MCM9: variants seen among roughly 807,000 people sequenced by gnomAD.
The protein encoded by MCM9 is DNA helicase MCM9.
In MCM9, 55 loss-of-function variants were observed where a neutral mutation model predicts 72.8. That is an observed-to-expected ratio of 0.76 (90% CI 0.61 to 0.95). The LOEUF is 0.95. MCM9 is among the 40% of genes least tolerant of loss of function. The probability of loss-of-function intolerance (pLI) is 0.00; values close to 1 mark genes in which losing one functional copy is unlikely to be tolerated. For missense variants in MCM9, 1,279 were observed against 1,377.0 expected, an observed-to-expected ratio of 0.93 and a Z score of 1.13; for synonymous variants, 480 against 503.4, an observed-to-expected ratio of 0.95 and a Z score of 0.62.
Position 118,931,533 on chromosome 6 carries a change from T to A in MCM9, c.191A>T (p.Glu64Val), listed in dbSNP as rs751873375. 1.2e-6 allele frequency: 2 copies of A among 1,614,166 alleles called. No homozygotes were observed. The highest frequency in any genetic ancestry group is 2.2e-5 in the South Asian group (2 of 91,066). ...TGCACTATCAAAAATTGTAAGCACT[T>A]CACTGGGGAACATGTTGAAATATTC... Reference protein sequence around the residue: ...IGEYFNMFPSEVLTIFDSALR... With the variant: ...IGEYFNMFPSVVLTIFDSALR... Residue 64 changes from glutamate to valine, a missense_variant, in exon 3 of 14, where the codon GAA (glutamate) becomes GTA (valine). Glu to Val is a moderately radical substitution (Grantham distance 121, BLOSUM62 -2). Coordinates refer to ENST00000619706, the MANE Select transcript of MCM9 (RefSeq NM_017696.3).
At chr6:118,867,461 C>A (rs1777288552) in intron 8 of MCM9, among the ~76,000 whole-genome samples, 1 of 152,188 alleles carries the variant, frequency 6.6e-6, no homozygotes, top group East Asian at 1.9e-4. Flanking sequence ...ACTACTCACT[C>A]ACTGACTAAT....
chr6:118,818,566 C>T (rs1773563437), intron 13 of MCM9, among the ~76,000 whole-genome samples: 1 of 152,176 alleles, frequency 6.6e-6, no homozygotes, highest in African/African-American at 2.4e-5. Context: ...TAGCGTGATG[C>T]CTCCAGCTTT....
intron 6 of MCM9, among the ~76,000 whole-genome samples, chr6:118,915,203 C>T (rs1206412606): frequency 2.0e-5 from 3 of 152,194 alleles, no homozygotes; most frequent in African/African-American, 7.2e-5. Flanking sequence ...TTCCTTAGAT[C>T]ATGGCAGCAG....
chr6:118,834,094 A>G (rs147583355), intron 9 of MCM9, among the ~76,000 whole-genome samples: 2,141 of 151,994 alleles, frequency 0.014, 43 homozygotes, highest in African/African-American at 0.049. Context: ...ACTCCCACTT[A>G]TAAGTGAGAA....
chr6:118,866,290 C>T (rs1777212650), intron 8 of MCM9, among the ~76,000 whole-genome samples: 1 of 151,980 alleles, frequency 6.6e-6, no homozygotes, highest in Non-Finnish European at 1.5e-5. Flanking sequence ...TACACAGAAA[C>T]CAAAATAGAG....
chr6:118,930,911 G>A (rs1368183778), intron 3 of MCM9, among the ~76,000 whole-genome samples: 1 of 152,242 alleles, frequency 6.6e-6, no homozygotes, highest in African/African-American at 2.4e-5. Flanking sequence ...ACCCCAAGCT[G>A]CTGATTGCTC....
At chr6:118,929,010 A>G (rs922145992) in intron 3 of MCM9, among the ~76,000 whole-genome samples, 1 of 152,192 alleles carries the variant, frequency 6.6e-6, no homozygotes, top group Non-Finnish European at 1.5e-5. Flanking sequence ...ACCTGAGGCC[A>G]GGAGTTCAAG....
At chr6:118,870,422 G>T (rs1057440505) in intron 8 of MCM9, among the ~76,000 whole-genome samples, 1 of 150,730 alleles carries the variant, frequency 6.6e-6, no homozygotes, top group Non-Finnish European at 1.5e-5. Flanking sequence ...AAATTAATGG[G>T]TTTTTTTTTT....
rs144134805 is a variant in MCM9, at chr6:118,875,339, C to T, written c.1151-18794G>A. Among the ~76,000 whole-genome samples, 733 of 152,286 alleles carry T rather than the reference C, an allele frequency of 4.8e-3. 9 individuals are homozygous for T. Among genetic ancestry groups the T allele is most frequent in the African/African-American group, 0.017 (709 of 41,566 alleles). On this transcript the variant is annotated intron_variant, in intron 8 of 13. Coordinates refer to ENST00000619706, the MANE Select transcript of MCM9 (RefSeq NM_017696.3). ...TTCTACAGATTCAACCCAAGCTAAT[C>T]AAACTTCCAGCAAAAGCTGGGCGCA...
At chr6:118,875,190 C>T (rs1401626266) in intron 8 of MCM9, among the ~76,000 whole-genome samples, 1 of 152,092 alleles carries the variant, frequency 6.6e-6, no homozygotes. Context: ...GAATGAAATA[C>T]CTACAAGATT....
chr6:118,905,723 T>C (rs766545242), intron 8 of MCM9: 1 of 1,613,780 alleles, frequency 6.2e-7, no homozygotes, highest in East Asian at 2.2e-5. Flanking sequence ...TAATTACTTG[T>C]ACCTATCGAG....
rs749120111 is a variant in MCM9 at position 118,931,703 on chromosome 6, T to A, written c.21A>T (p.Thr7=). ...ATGACTCAAACACTTGACCAACCAG[T>A]GTAACTTGATCGCTATTCATCTTGA... MNSDQV[T]LVGQVFESYV... The change falls in exon 3 of 14, where the codon ACA becomes ACT. Residue 7 remains threonine, a synonymous_variant. Coordinates refer to ENST00000619706, the MANE Select transcript of MCM9 (RefSeq NM_017696.3). 1 of 1,612,360 alleles carries A rather than the reference T, an allele frequency of 6.2e-7. No homozygotes were observed. Among genetic ancestry groups the A allele is most frequent in the Non-Finnish European group, 8.5e-7 (1 of 1,178,728 alleles).
At chr6:118,879,225 C>T (rs886576008) in intron 8 of MCM9, among the ~76,000 whole-genome samples, 2 of 137,990 alleles carry the variant, frequency 1.4e-5, no homozygotes, top group African/African-American at 5.6e-5. Context: ...CATGAAAAGG[C>T]AAAGGTTGTT....
At chr6:118,889,419 G>A (rs1304606575) in intron 8 of MCM9, among the ~76,000 whole-genome samples, 1 of 152,190 alleles carries the variant, frequency 6.6e-6, no homozygotes, top group African/African-American at 2.4e-5. Flanking sequence ...GGCTTTGTAC[G>A]AGCAGTGGTC....
At chr6:118,827,897 T>A in intron 11 of MCM9, 30 bp downstream of exon 11, 1 of 1,547,230 alleles carries the variant, frequency 6.5e-7, no homozygotes, top group Non-Finnish European at 8.7e-7. Context: ...CAGCATTCAA[T>A]ACAAGCATCA....
At chr6:118,848,990 C>T (rs949185946) in intron 9 of MCM9, among the ~76,000 whole-genome samples, 2 of 150,788 alleles carry the variant, frequency 1.3e-5, no homozygotes, top group African/African-American at 2.5e-5. Context: ...AAAATAAAAC[C>T]GTTGACACCA....
chr6:118,921,938 G>T, intron 5 of MCM9, 67 bp downstream of exon 5: 1 of 1,186,850 alleles, frequency 8.4e-7, no homozygotes, highest in Non-Finnish European at 1.2e-6. Flanking sequence ...AAAATAAAAA[G>T]TGGCTTTTCC....
rs1774529148 is a variant in MCM9, at chr6:118,831,226, C to T, written c.1326-1976G>A. ...AAAATAGCCGGCACGGTGGTACACA[C>T]CTGTGGTTCCAGCTGCTTGGGAGGC... On this transcript the variant is annotated intron_variant, in intron 9 of 13. Transcript: ENST00000619706. Among the ~76,000 whole-genome samples the T allele has an allele frequency of 2.0e-5, 3 of 151,922 alleles. No individual in the cohort carries two copies. In the South Asian group the frequency reaches 6.2e-4, roughly 32 times the overall value.
At chr6:118,839,870 G>T (rs562062949) in intron 9 of MCM9, among the ~76,000 whole-genome samples, 1 of 152,262 alleles carries the variant, frequency 6.6e-6, no homozygotes, top group East Asian at 1.9e-4. Context: ...CCCCTGCTTG[G>T]AGGTGTCTCC....
Sources: allele counts gnomAD v4.1 joint callset (sites outside exome capture counted in the v4.1 genomes callset), GRCh38; gene constraint gnomAD v4.1.1; transcripts MANE v1.5; gene names NCBI Gene and HGNC (gene_info 2026-07-23, HGNC 2026-07-21).